VWDE: variants seen among roughly 807,000 people sequenced by gnomAD.
VWDE encodes the protein von Willebrand factor D and EGF domains.
Under a neutral mutation model 178.4 loss-of-function variants are expected in VWDE, and 207 were observed. That is an observed-to-expected ratio of 1.16 (90% confidence interval 1.04 to 1.30). The LOEUF is 1.30. VWDE is among the 50% of genes most tolerant of loss of function. The pLI, the probability that VWDE is intolerant of heterozygous loss-of-function variation, is 0.00. For synonymous variants in VWDE, 738 were observed against 651.4 expected (o/e 1.13, Z -2.02); for missense variants, 2,287 against 1,901.3 (o/e 1.20, Z -3.77).
At chr7:12,397,368 G>A (rs779187861) in intron 1 of VWDE, among the ~76,000 whole-genome samples, 1 of 152,038 alleles carries the variant, frequency 6.6e-6, no homozygotes, top group Non-Finnish European at 1.5e-5. Flanking sequence ...GCTAGCCATA[G>A]GCAGAAGAAT....
intron 21 of VWDE, 39 bp from the exon 22 acceptor site, chr7:12,343,217 T>A (rs779199368): frequency 4.2e-6 from 6 of 1,435,780 alleles, no homozygotes; most frequent in Non-Finnish European, 5.7e-6. Flanking sequence ...AGTTCTTAAT[T>A]TTTAAAAAGT....
chr7:12,351,126 C>G (rs1015898264), intron 19 of VWDE, among the ~76,000 whole-genome samples: 13 of 151,960 alleles, frequency 8.6e-5, no homozygotes, highest in African/African-American at 2.4e-5. Context: ...TAAAGAAAGC[C>G]AATGTGAAAT....
chr7:12,337,608 G>A (rs962657821), intron 24 of VWDE, among the ~76,000 whole-genome samples: 10 of 152,026 alleles, frequency 6.6e-5, no homozygotes, highest in Non-Finnish European at 8.8e-5. Context: ...AAGTCAAAAC[G>A]TAGCTCAAAA....
At chr7:12,357,658 A>C in intron 16 of VWDE, 143 bp from the exon 17 acceptor site, 1 of 901,596 alleles carries the variant, frequency 1.1e-6, no homozygotes, top group South Asian at 1.8e-5. Context: ...TTTTTTTTTT[A>C]ACATTCTGAG....
Position 12,400,105 on chromosome 7 carries a change from G to C in VWDE, c.58+3554C>G, listed in dbSNP as rs1020100233. Reference sequence around the variant, plus strand: ...GAGGGACATGTATAGACAGGAATATGCCTATAGTATAGGAGAAAAAGATGA... The same window carrying C: ...GAGGGACATGTATAGACAGGAATATCCCTATAGTATAGGAGAAAAAGATGA... On this transcript the variant is annotated intron_variant, in intron 1 of 28. Transcript: ENST00000275358. Among the ~76,000 whole-genome samples the C allele has an allele frequency of 2.0e-5, 3 of 152,124 alleles. No homozygotes were observed. The East Asian group carries it at 5.8e-4, about 29-fold the overall frequency.
intron 19 of VWDE, among the ~76,000 whole-genome samples, chr7:12,350,425 A>T (rs1393875600): frequency 3.5e-5 from 5 of 143,958 alleles, no homozygotes; most frequent in Non-Finnish European, 7.4e-5. Flanking sequence ...CGTTTGATAA[A>T]TAACATTTAA....
intron 17 of VWDE, 132 bp from the exon 18 acceptor site, chr7:12,356,462 A>T: frequency 1.8e-6 from 1 of 542,054 alleles, no homozygotes; most frequent in Non-Finnish European, 2.9e-6. Flanking sequence ...ATATATATAC[A>T]CACACACACA....
rs1463561848 is a variant in VWDE, at chr7:12,370,658, C to T, written c.1794G>A (p.Trp598Ter). Residue 598 changes from tryptophan to a stop codon, truncating the protein, a stop_gained and splice_region_variant, in exon 11 of 29, where the codon TGG (tryptophan) becomes TGA (stop). Transcript: ENST00000275358. LOFTEE classifies it high-confidence loss of function. ...CAAGTGGAAAAATAGTGTCTTACCT[C>T]CATTCATTAATAAAAGCAACATAAT... ...FNNYVAFINE[W>*]RILPGKSMSD... 1 of 1,550,476 alleles carries T rather than the reference C, an allele frequency of 6.4e-7. No individual in the cohort carries two copies. The highest frequency in any genetic ancestry group is 2.0e-5 in the Admixed American group (1 of 50,956).
In VWDE at chr7:12,340,402, A is replaced by G; in HGVS notation, c.4286T>C (p.Val1429Ala). 1.3e-6 allele frequency: 2 copies of G among 1,551,124 alleles called. No homozygotes were observed. The highest frequency in any genetic ancestry group is 1.2e-5 in the South Asian group (1 of 83,908). Residue 1429 changes from valine to alanine, a missense_variant, in exon 24 of 29, where the codon GTC becomes GCC. Transcript: ENST00000275358. ...PTCSTALCDPVCLNGGSCNKP... is the reference protein window; with the variant it reads ...PTCSTALCDPACLNGGSCNKP... ...ATTACACGAACCACCATTGAGGCAG[A>G]CAGGGTCGCACAAAGCTAATAAACA...
intron 27 of VWDE, chr7:12,333,783 CTT>C (rs1263515771): frequency 3.5e-5 from 13 of 373,724 alleles, no homozygotes; most frequent in African/African-American, 2.5e-4. Flanking sequence ...TCAAACAACA[CTT>C]TTGGAATTCT....
chr7:12,350,176 A>C (rs1010746627), intron 19 of VWDE, among the ~76,000 whole-genome samples: 1 of 152,064 alleles, frequency 6.6e-6, no homozygotes, highest in Non-Finnish European at 1.5e-5. Context: ...GACATATAAA[A>C]ATTTAAATGA....
At chr7:12,354,174 CTAT>C (rs1260868195) in intron 18 of VWDE, 1 of 256,148 alleles carries the variant, frequency 3.9e-6, no homozygotes, top group Non-Finnish European at 7.6e-6. Context: ...TACACTCTAC[CTAT>C]TAAGTCAGAA....
chr7:12,388,704 G>A lies in VWDE; in HGVS notation c.475+423C>T, dbSNP rs895466095. 7 of 293,170 alleles carry A rather than the reference G, an allele frequency of 2.4e-5. 1 individual carries two copies. The highest frequency in any genetic ancestry group is 2.3e-4 in the South Asian group (7 of 30,470). The allele number at this position is 293,170 out of a possible 1,614,324, so 18.2% of individuals were successfully genotyped here. Reference sequence around the variant, plus strand: ...TTATCTTGCTCATCACCGTAACTCTGAGGCCTTAAATAATTTCTGGCACAG... The same window carrying A: ...TTATCTTGCTCATCACCGTAACTCTAAGGCCTTAAATAATTTCTGGCACAG... On this transcript the variant is annotated intron_variant, in intron 3 of 28. Transcript: ENST00000275358.
intron 7 of VWDE, 90 bp from the exon 8 acceptor site, chr7:12,375,317 G>A: frequency 1.0e-6 from 1 of 999,318 alleles, no homozygotes; most frequent in Non-Finnish European, 1.5e-6. Flanking sequence ...ACACTGAATT[G>A]TAAGATTATT....
At chr7:12,356,424 A>G in intron 17 of VWDE, 94 bp from the exon 18 acceptor site, 1 of 887,182 alleles carries the variant, frequency 1.1e-6, no homozygotes, top group South Asian at 1.6e-5. Context: ...ATGTTTATGT[A>G]CAAGTATGAC....
chr7:12,377,819 A>T lies in VWDE; in HGVS notation c.981T>A (p.Asp327Glu), dbSNP rs1205606992. ...PIICSEFSELDQECKISLKLK... is the reference protein window; with the variant it reads ...PIICSEFSELEQECKISLKLK... The stretch of plus-strand genomic sequence containing the variant: ...GTTTTAATGAGATTTTGCATTCTTG[A>T]TCAAGCTCACTAAATTCAGAACAAA... Residue 327 changes from aspartate to glutamate, a missense_variant, in exon 7 of 29, where the codon GAT becomes GAA. Coordinates refer to ENST00000275358, the MANE Select transcript of VWDE (RefSeq NM_001135924.3). 2.6e-6 allele frequency: 4 copies of T among 1,529,146 alleles called. No homozygotes were observed. The highest frequency in any genetic ancestry group is 2.6e-6 in the Non-Finnish European group (3 of 1,134,902). The allele number at this position is 1,529,146 out of a possible 1,614,324, so 94.7% of individuals were successfully genotyped here.
chr7:12,351,447 G>A (rs924629603), intron 19 of VWDE, 126 bp downstream of exon 19: 15 of 988,592 alleles, frequency 1.5e-5, no homozygotes, highest in East Asian at 5.8e-5. Context: ...ATTTTAAACC[G>A]CATCATATAA....
Position 12,379,494 on chromosome 7 carries a change from A to C in VWDE, c.862T>G (p.Phe288Val), listed in dbSNP as rs943417479. The change falls in exon 6 of 29, where the codon TTT becomes GTT. Residue 288 changes from phenylalanine to valine, a missense_variant. By Grantham distance (50) the Phe-to-Val change is conservative. Transcript: ENST00000275358. ...CTGCGTACCTTAAAGCCTGCAAAAA[A>C]TTCTTGGCTTTCGATGGCTACACTT... is the stretch of plus-strand genomic sequence containing the variant. ...VQSVAIESQEFFAGFKLQPEL... is the reference protein window; with the variant it reads ...VQSVAIESQEVFAGFKLQPEL... 1.7e-5 allele frequency: 26 copies of C among 1,549,838 alleles called. No homozygotes were observed. Among genetic ancestry groups the C allele is most frequent in the Non-Finnish European group, 2.3e-5 (26 of 1,146,116 alleles).
chr7:12,367,493 T>A lies in VWDE; in HGVS notation c.2762A>T (p.Asp921Val). 1.3e-6 allele frequency: 2 copies of A among 1,494,510 alleles called. No individual in the cohort carries two copies. The highest frequency in any genetic ancestry group is 1.4e-5 in the South Asian group (1 of 73,648). 92.6% of individuals were successfully genotyped at this position (1,494,510 alleles called of 1,614,324 possible). A position where few individuals can be genotyped will look rare whatever the true frequency, so the allele number is the denominator to read the frequency against. Residue 921 changes from aspartate to valine, a missense_variant and splice_region_variant, in exon 13 of 29, where the codon GAC (aspartate) becomes GTC (valine). Asp to Val is a radical substitution (Grantham distance 152). Transcript: ENST00000275358. Reference protein sequence around the residue: ...FSSYDCSDSYDKAPEITELGN... With the variant: ...FSSYDCSDSYVKAPEITELGN... The stretch of plus-strand genomic sequence containing the variant: ...AAGCTCTGTAATTTCAGGAGCTTTG[T>A]CTTTGGAAAAAAAATATAACAAATA...
Sources: gnomAD v4.1 joint callset for allele counts (sites outside exome capture counted in the v4.1 genomes callset) on GRCh38, gnomAD v4.1.1 for gene constraint, MANE v1.5 for transcripts, NCBI Gene and HGNC (gene_info 2026-07-23, HGNC 2026-07-21) for gene names.